The following ITM2B variants were observed in gnomAD, a reference collection of about 807,000 sequenced individuals.
ITM2B encodes the protein integral membrane protein 2B, also known as ABri/ADan amyloid peptide.
ITM2B carries 11 observed loss-of-function variants against 27.8 expected under a neutral mutation model. The ratio of observed to expected loss-of-function variants is 0.40; its 90% CI spans 0.25 to 0.66. ITM2B has a LOEUF of 0.66. Among genes scored for constraint, ITM2B ranks in the 30% least tolerant of loss-of-function variants. The probability of loss-of-function intolerance (pLI) is 0.43; values close to 1 mark genes in which losing one functional copy is unlikely to be tolerated. For synonymous variants in ITM2B, 114 were observed against 114.3 expected, an observed-to-expected ratio of 1.00 and a Z score of 0.02; for missense variants, 296 against 328.9, an observed-to-expected ratio of 0.90 and a Z score of 0.77.
In ITM2B at chr13:48,262,658, T is replaced by TA. The variant is rs1951829404; in HGVS notation, c.*1435dup. The TA allele has an allele frequency of 6.6e-6, 1 of 152,152 alleles. No homozygotes were observed. The allele number at this position is 152,152 out of a possible 1,614,324, so 9.4% of individuals were successfully genotyped here. On this transcript the variant is annotated 3_prime_UTR_variant, in exon 6 of 6. Coordinates refer to ENST00000647800, the MANE Select transcript of ITM2B (RefSeq NM_021999.5). ...CATCTTTTATATGCCCAACATATGATATTGTGTTGAAGATATATCTGCAAA... is the reference window on the plus strand; with the variant it reads ...CATCTTTTATATGCCCAACATATGATAATTGTGTTGAAGATATATCTGCAAA...
In ITM2B at chr13:48,266,310, C is replaced by G. The variant is rs1461286950; in HGVS notation, c.*5086C>G. On this transcript the variant is annotated 3_prime_UTR_variant, in exon 6 of 6. Coordinates refer to ENST00000647800, the MANE Select transcript of ITM2B (RefSeq NM_021999.5). ...TTGCAGCCCTGCCTGAAACAGTTGT[C>G]TCTGTCCCCACTCTACCCCCTGCCC... The G allele has an allele frequency of 1.3e-5, 2 of 152,268 alleles. No homozygotes were observed. Among genetic ancestry groups the G allele is most frequent in the Non-Finnish European group, 2.9e-5 (2 of 68,124 alleles). 9.4% of individuals were successfully genotyped at this position (152,268 alleles called of 1,614,324 possible). A position where few individuals can be genotyped will look rare whatever the true frequency, so the allele number is the denominator to read the frequency against.
chr13:48,237,707 G>C (rs1442135673), intron 1 of ITM2B, among the ~76,000 whole-genome samples: 1 of 152,140 alleles, frequency 6.6e-6, no homozygotes, highest in African/African-American at 2.4e-5. Flanking sequence ...AATGTACATA[G>C]AAACATGTAC....
intron 1 of ITM2B, among the ~76,000 whole-genome samples, chr13:48,250,890 G>A (rs984072724): frequency 4.6e-5 from 7 of 152,162 alleles, no homozygotes; most frequent in Non-Finnish European, 7.4e-5. Flanking sequence ...TGGTGCATAG[G>A]TTTGGGGTCT....
intron 1 of ITM2B, among the ~76,000 whole-genome samples, chr13:48,251,754 C>T (rs1951757356): frequency 6.6e-6 from 1 of 152,058 alleles, no homozygotes; most frequent in Admixed American, 6.6e-5. Context: ...TAACTATTTC[C>T]ATCTGTCATT....
At chr13:48,242,327 C>T (rs1273331421) in intron 1 of ITM2B, among the ~76,000 whole-genome samples, 2 of 152,112 alleles carry the variant, frequency 1.3e-5, no homozygotes, top group Non-Finnish European at 2.9e-5. Flanking sequence ...ATTCATTCCT[C>T]AGACTCTGAC....
rs770108628 is a variant in ITM2B at position 48,258,131 on chromosome 13, T to TA, written c.460dup (p.Thr154AsnfsTer7). On this transcript the variant is annotated frameshift_variant, in exon 4 of 6. Coordinates refer to ENST00000647800, the MANE Select transcript of ITM2B (RefSeq NM_021999.5). LOFTEE classifies it high-confidence loss of function. ...CTGTATCTTTTTCTTCCCAGAAACTTACAGCCTATTTAGATCTTAACCTGG... is the reference window on the plus strand; with the variant it reads ...CTGTATCTTTTTCTTCCCAGAAACTTAACAGCCTATTTAGATCTTAACCTGG... The TA allele has an allele frequency of 6.5e-7, 1 of 1,537,584 alleles. No homozygotes were observed. Among genetic ancestry groups the TA allele is most frequent in the Non-Finnish European group, 9.0e-7 (1 of 1,110,332 alleles).
At chr13:48,249,872 T>C (rs1443619870) in intron 1 of ITM2B, among the ~76,000 whole-genome samples, 1 of 152,058 alleles carries the variant, frequency 6.6e-6, no homozygotes, top group Non-Finnish European at 1.5e-5. Context: ...AGTCATGGGG[T>C]TTTTCTTCTT....
Position 48,256,381 on chromosome 13 carries a change from A to G in ITM2B, c.451A>G (p.Lys151Glu). ...DPANIVHDFNKKLTAYLDLNL... is the reference protein window; with the variant it reads ...DPANIVHDFNEKLTAYLDLNL... ...TGCCAACATTGTTCATGACTTTAAC[A>G]AGGTGAGCCAAGTGTCCAGAATTGT... The change falls in exon 3 of 6, where the codon AAG becomes GAG. Residue 151 changes from lysine to glutamate, a missense_variant and splice_region_variant. Physicochemically the swap from Lys to Glu is moderately conservative, Grantham distance 56. Coordinates refer to ENST00000647800, the MANE Select transcript of ITM2B (RefSeq NM_021999.5). 1 of 1,609,818 alleles carries G rather than the reference A, an allele frequency of 6.2e-7. No individual in the cohort carries two copies. The highest frequency in any genetic ancestry group is 8.5e-7 in the Non-Finnish European group (1 of 1,176,294).
intron 1 of ITM2B, among the ~76,000 whole-genome samples, chr13:48,233,823 C>A (rs1455438634): frequency 6.6e-6 from 1 of 152,128 alleles, no homozygotes; most frequent in Non-Finnish European, 1.5e-5. Flanking sequence ...ACAGGCACAA[C>A]AACAACAACC....
rs1951646154 is a variant in ITM2B, at chr13:48,233,321, G to C, written c.-40G>C. 1 of 1,369,928 alleles carries C rather than the reference G, an allele frequency of 7.3e-7. No individual in the cohort carries two copies. The highest frequency in any genetic ancestry group is 1.5e-5 in the African/African-American group (1 of 66,020). 84.9% of individuals were successfully genotyped at this position (1,369,928 alleles called of 1,614,324 possible). A position where few individuals can be genotyped will look rare whatever the true frequency, so the allele number is the denominator to read the frequency against. On this transcript the variant is annotated 5_prime_UTR_variant, in exon 1 of 6. Coordinates refer to ENST00000647800, the MANE Select transcript of ITM2B (RefSeq NM_021999.5). ...GCCGGGAGCCCGCAGCCCGCGCCCC[G>C]AGCCCGCCGCCGCCCTTCGAGGGCG...
chr13:48,263,413 A>G lies in ITM2B; in HGVS notation c.*2189A>G, dbSNP rs1358876449. 6.6e-6 allele frequency: 1 copy of G among 151,874 alleles called. No homozygotes were observed. Among genetic ancestry groups the G allele is most frequent in the East Asian group, 1.9e-4 (1 of 5,180 alleles). 9.4% of individuals were successfully genotyped at this position (151,874 alleles called of 1,614,324 possible). ...GCTGAATGAATAATGTGCCCTTTGA[A>G]CCCTTGTGCCATGCTGGAAACTGTG... On this transcript the variant is annotated 3_prime_UTR_variant, in exon 6 of 6. Transcript: ENST00000647800.
At chr13:48,247,772 G>C (rs1212682142) in intron 1 of ITM2B, among the ~76,000 whole-genome samples, 1 of 152,130 alleles carries the variant, frequency 6.6e-6, no homozygotes, top group Non-Finnish European at 1.5e-5. Flanking sequence ...ATTTGAACTA[G>C]AAATTAGTAC....
chr13:48,250,084 C>T (rs577413317), intron 1 of ITM2B, among the ~76,000 whole-genome samples: 2 of 152,248 alleles, frequency 1.3e-5, no homozygotes, highest in African/African-American at 4.8e-5. Flanking sequence ...GACTATAAAT[C>T]GCTCAAAGTA....
In ITM2B at chr13:48,261,345, T is replaced by C; in HGVS notation, c.*121T>C. ...ATGTAAGTAGCAAACAGGGCTTTAC[T>C]ATCTTTTCATCTCATTAATTCAATT... On this transcript the variant is annotated 3_prime_UTR_variant, in exon 6 of 6. Transcript: ENST00000647800. 3 of 738,210 alleles carry C rather than the reference T, an allele frequency of 4.1e-6. No homozygotes were observed. Among genetic ancestry groups the C allele is most frequent in the Non-Finnish European group, 2.4e-6 (1 of 420,726 alleles). The allele number at this position is 738,210 out of a possible 1,614,324, so 45.7% of individuals were successfully genotyped here.
At chr13:48,236,023 G>T (rs1951666383) in intron 1 of ITM2B, among the ~76,000 whole-genome samples, 1 of 152,124 alleles carries the variant, frequency 6.6e-6, no homozygotes, top group Admixed American at 6.5e-5. Context: ...CTTCTGCAGG[G>T]TGAGAACTCT....
At position 48,256,260 on chromosome 13, in the gene ITM2B, T is replaced by C. The variant is rs1258009463; in HGVS notation, c.330T>C (p.Ala110=). The C allele has an allele frequency of 9.9e-6, 16 of 1,613,326 alleles. No individual in the cohort carries two copies. Among genetic ancestry groups the C allele is most frequent in the Non-Finnish European group, 1.4e-5 (16 of 1,179,278 alleles). Residue 110 remains alanine, a synonymous_variant, in exon 3 of 6, where the codon GCT becomes GCC. Transcript: ENST00000647800. ...AGCCCTCTGCAGATGCCCCAGCTGC[T>C]CTCTACCAGACAATTGAAGAAAATA... ...LNEPSADAPA[A]LYQTIEENIK... is the part of the protein sequence containing the mutation.
At chr13:48,257,072 A>G (rs1261271929) in intron 3 of ITM2B, among the ~76,000 whole-genome samples, 1 of 152,246 alleles carries the variant, frequency 6.6e-6, no homozygotes, top group Non-Finnish European at 1.5e-5. Flanking sequence ...CTGTTAGTGT[A>G]CATATATACA....
chr13:48,252,573 T>C lies in ITM2B; in HGVS notation c.118-1235T>C, dbSNP rs9332271. Among the ~76,000 whole-genome samples the C allele has an allele frequency of 7.1e-3, 1,083 of 152,326 alleles. 13 individuals are homozygous for C. Among genetic ancestry groups the C allele is most frequent in the African/African-American group, 0.025 (1,022 of 41,564 alleles). ...CCATATCCCAACACCCCTCAGTCTG[T>C]CTGTGGAAAAATTGTCTTCCACAAA... On this transcript the variant is annotated intron_variant, in intron 1 of 5. Transcript: ENST00000647800.
intron 4 of ITM2B, 87 bp downstream of exon 4, chr13:48,258,323 A>G: frequency 1.3e-6 from 1 of 780,282 alleles, no homozygotes; most frequent in Non-Finnish European, 2.4e-6. Flanking sequence ...ATAGGAGCCC[A>G]TTTTATCAGA....
Sources: allele counts gnomAD v4.1 joint callset (sites outside exome capture counted in the v4.1 genomes callset), GRCh38; gene constraint gnomAD v4.1.1; transcripts MANE v1.5; gene names NCBI Gene and HGNC (gene_info 2026-07-23, HGNC 2026-07-21).